The following ARL5B variants were observed in gnomAD, a reference collection of about 807,000 sequenced individuals.
ARL5B encodes ARF like GTPase 5B.
Under a neutral mutation model 26.9 loss-of-function variants are expected in ARL5B, and 10 were observed. The ratio of observed to expected loss-of-function variants is 0.37; its 90% CI spans 0.23 to 0.63. The LOEUF is 0.63. Among genes scored for constraint, ARL5B ranks in the 30% least tolerant of loss-of-function variants. The probability of loss-of-function intolerance (pLI) is 0.62; values close to 1 mark genes in which losing one functional copy is unlikely to be tolerated. For missense variants in ARL5B, 167 were observed against 213.9 expected, an observed-to-expected ratio of 0.78 and a Z score of 1.37; for synonymous variants, 87 against 70.4, an observed-to-expected ratio of 1.24 and a Z score of -1.18.
Position 18,673,966 on chromosome 10 carries a change from A to G in ARL5B, c.340-18A>G. 1 of 1,582,534 alleles carries G rather than the reference A, an allele frequency of 6.3e-7. No homozygotes were observed. Among genetic ancestry groups the G allele is most frequent in the Non-Finnish European group, 8.6e-7 (1 of 1,165,144 alleles). ...TTGTGGTATTTCACATATTAGAAAT[A>G]TTTTGTCTTGATTGCAGGATTTACG... On this transcript the variant is annotated intron_variant, in intron 4 of 5. Transcript: ENST00000377275.
At chr10:18,670,601 G>A (rs1030766665) in intron 3 of ARL5B, among the ~76,000 whole-genome samples, 2 of 151,752 alleles carry the variant, frequency 1.3e-5, no homozygotes, top group East Asian at 1.9e-4. Context: ...GCAGAGTCTC[G>A]CTCTCTCTCA....
intron 3 of ARL5B, among the ~76,000 whole-genome samples, chr10:18,670,505 A>C (rs1435386661): frequency 6.6e-6 from 1 of 151,972 alleles, no homozygotes; most frequent in African/African-American, 2.4e-5. Flanking sequence ...CAGCTACTCC[A>C]GAGGCTGAGG....
Position 18,659,432 on chromosome 10 carries a change from G to A in ARL5B, c.-206G>A. 1 of 620,570 alleles carries A rather than the reference G, an allele frequency of 1.6e-6. No homozygotes were observed. The highest frequency in any genetic ancestry group is 2.6e-6 in the Non-Finnish European group (1 of 380,286). The allele number at this position is 620,570 out of a possible 1,614,324, so 38.4% of individuals were successfully genotyped here. ...GGACTACGGGTCGGCGTTGGGCTCA[G>A]TGGGCTCGAAACAAAGGGCTGTCCG... On this transcript the variant is annotated 5_prime_UTR_variant, in exon 1 of 6. The change creates a new upstream start codon in the 5' untranslated region. Transcript: ENST00000377275.
At position 18,674,058 on chromosome 10, in the gene ARL5B, C is replaced by A. The variant is rs555085648; in HGVS notation, c.414C>A (p.Ile138=). 2.9e-5 allele frequency: 46 copies of A among 1,613,174 alleles called. No individual in the cohort carries two copies. The highest frequency in any genetic ancestry group is 1.7e-4 in the Middle Eastern group (1 of 6,056). The change falls in exon 5 of 6, where the codon ATC becomes ATA. Residue 138 remains isoleucine (I), a synonymous_variant. Transcript: ENST00000377275. ...DMKGCMTAAE[I]SKYLTLSSIK... Reference sequence around the variant, plus strand: ...AAGGGTGTATGACAGCAGCTGAAATCTCGAAATACCTCACCCTTAGTTCAA... The same window carrying A: ...AAGGGTGTATGACAGCAGCTGAAATATCGAAATACCTCACCCTTAGTTCAA...
rs941739751 is a variant in ARL5B at position 18,680,629 on chromosome 10, A to G, written c.*5413A>G. 2.6e-5 allele frequency: 4 copies of G among 152,146 alleles called. No individual in the cohort carries two copies. Among genetic ancestry groups the G allele is most frequent in the African/African-American group, 9.6e-5 (4 of 41,472 alleles). The allele number at this position is 152,146 out of a possible 1,614,324, so 9.4% of individuals were successfully genotyped here. On this transcript the variant is annotated 3_prime_UTR_variant, in exon 6 of 6. Transcript: ENST00000377275. The stretch of plus-strand genomic sequence containing the variant: ...AGCCCCTATTTTATTCTCTTGGAGT[A>G]AACTGTTGAGTGTAGTTACAAAAAC...
intron 4 of ARL5B, among the ~76,000 whole-genome samples, chr10:18,673,709 T>C (rs1186848406): frequency 2.6e-5 from 4 of 152,242 alleles, no homozygotes; most frequent in East Asian, 1.9e-4. Context: ...CATATTTGCC[T>C]ATTAGAATAT....
At chr10:18,669,975 C>G (rs1435896898) in intron 3 of ARL5B, among the ~76,000 whole-genome samples, 1 of 106,580 alleles carries the variant, frequency 9.4e-6, no homozygotes, top group African/African-American at 3.8e-5. Flanking sequence ...GCCTGGGTGA[C>G]AAAACGAGAC....
chr10:18,661,484 C>G (rs887383906), intron 1 of ARL5B, among the ~76,000 whole-genome samples: 1 of 152,172 alleles, frequency 6.6e-6, no homozygotes, highest in Admixed American at 6.5e-5. Flanking sequence ...CTTCCTCTAA[C>G]TTTCCTGTTG....
Position 18,664,735 on chromosome 10 carries a change from G to A in ARL5B, c.47-1840G>A, listed in dbSNP as rs557346668. ...TTACAGGCGTAAGGCACCACGCCTGGCCTAACAGTAGTGTCTTAACCTAAC... is the reference window on the plus strand; with the variant it reads ...TTACAGGCGTAAGGCACCACGCCTGACCTAACAGTAGTGTCTTAACCTAAC... On this transcript the variant is annotated intron_variant, in intron 1 of 5. Coordinates refer to ENST00000377275, the MANE Select transcript of ARL5B (RefSeq NM_178815.5). Among the ~76,000 whole-genome samples the A allele has an allele frequency of 1.5e-4, 23 of 152,200 alleles. No homozygotes were observed. In the East Asian group the frequency reaches 4.1e-3, roughly 27 times the overall value.
chr10:18,676,452 T>C lies in ARL5B; in HGVS notation c.*1236T>C, dbSNP rs1218241796. On this transcript the variant is annotated 3_prime_UTR_variant, in exon 6 of 6. Transcript: ENST00000377275. ...AAAGTCATAATCTATCAAAAGTTTA[T>C]TTATTGGATGGCATTAAAACATTTT... is the stretch of plus-strand genomic sequence containing the variant. 4.6e-5 allele frequency: 7 copies of C among 150,836 alleles called. No homozygotes were observed. The highest frequency in any genetic ancestry group is 1.7e-4 in the African/African-American group (7 of 40,320). The allele number at this position is 150,836 out of a possible 1,614,324, so 9.3% of individuals were successfully genotyped here.
chr10:18,663,546 C>CT (rs10645351), intron 1 of ARL5B, among the ~76,000 whole-genome samples: 24,295 of 97,764 alleles, frequency 0.25, 5,051 homozygotes, highest in African/African-American at 0.35. Context: ...TTATTCTGCT[C>CT]TTTTTTTTTT....
intron 3 of ARL5B, among the ~76,000 whole-genome samples, chr10:18,672,101 G>C (rs2059890283): frequency 6.6e-6 from 1 of 151,972 alleles, no homozygotes; most frequent in African/African-American, 2.4e-5. Flanking sequence ...GTTTCAATCT[G>C]GAGCATTTAT....
intron 1 of ARL5B, among the ~76,000 whole-genome samples, chr10:18,666,095 A>C (rs557068261): frequency 6.6e-6 from 1 of 152,358 alleles, no homozygotes; most frequent in East Asian, 1.9e-4. Context: ...TTTCAATTTT[A>C]AGCTTACATG....
Position 18,668,562 on chromosome 10 carries a change from C to G in ARL5B, c.140C>G (p.Thr47Ser). The change falls in exon 3 of 6, where the codon ACC becomes AGC. Residue 47 changes from threonine (T) to serine (S), a missense_variant. Coordinates refer to ENST00000377275, the MANE Select transcript of ARL5B (RefSeq NM_178815.5). ...LMNEVVHTSP[T>S]IGSNVEEIVV... ...AATGAAGTGGTTCATACTTCTCCAA[C>G]CATAGGAAGCAATGTTGAAGAAATA... The G allele has an allele frequency of 1.2e-6, 2 of 1,614,044 alleles. No homozygotes were observed. Among genetic ancestry groups the G allele is most frequent in the Non-Finnish European group, 1.7e-6 (2 of 1,180,020 alleles).
At chr10:18,667,466 T>C (rs2059866458) in intron 2 of ARL5B, among the ~76,000 whole-genome samples, 1 of 152,198 alleles carries the variant, frequency 6.6e-6, no homozygotes, top group Non-Finnish European at 1.5e-5. Flanking sequence ...TGTGTTTAAA[T>C]ATGAATTAGC....
At chr10:18,665,965 C>A (rs1356497038) in intron 1 of ARL5B, among the ~76,000 whole-genome samples, 4 of 152,112 alleles carry the variant, frequency 2.6e-5, no homozygotes. Flanking sequence ...TTTCATTGTA[C>A]AAAGAGCAGA....
At chr10:18,660,673 A>C (rs1229507029) in intron 1 of ARL5B, among the ~76,000 whole-genome samples, 1 of 152,156 alleles carries the variant, frequency 6.6e-6, no homozygotes, top group Non-Finnish European at 1.5e-5. Context: ...TAGATTGATA[A>C]GAACACTAAA....
rs1383747905 is a variant in ARL5B at position 18,678,244 on chromosome 10, G to A, written c.*3028G>A. Reference sequence around the variant, plus strand: ...GTTTCTTGTGTTAGTATGCTTAAAGGTATCAATACTTTTATTCTATATTCA... The same window carrying A: ...GTTTCTTGTGTTAGTATGCTTAAAGATATCAATACTTTTATTCTATATTCA... On this transcript the variant is annotated 3_prime_UTR_variant, in exon 6 of 6. Transcript: ENST00000377275. 1.3e-5 allele frequency: 2 copies of A among 151,696 alleles called. No individual in the cohort carries two copies. The highest frequency in any genetic ancestry group is 1.9e-4 in the East Asian group (1 of 5,174). The allele number at this position is 151,696 out of a possible 1,614,324, so 9.4% of individuals were successfully genotyped here.
Position 18,677,474 on chromosome 10 carries a change from G to A in ARL5B, c.*2258G>A, listed in dbSNP as rs1037073133. On this transcript the variant is annotated 3_prime_UTR_variant, in exon 6 of 6. Transcript: ENST00000377275. ...AGATGAAATTGGCATCAGTGTAGAC[G>A]GTGCTGATTGGGAAAAGTTCATGAT... The A allele has an allele frequency of 2.0e-5, 3 of 152,018 alleles. No individual in the cohort carries two copies. The highest frequency in any genetic ancestry group is 4.8e-5 in the African/African-American group (2 of 41,334). 9.4% of individuals were successfully genotyped at this position (152,018 alleles called of 1,614,324 possible). A position where few individuals can be genotyped will look rare whatever the true frequency, so the allele number is the denominator to read the frequency against.
Sources: allele counts gnomAD v4.1 joint callset (sites outside exome capture counted in the v4.1 genomes callset), GRCh38; gene constraint gnomAD v4.1.1; transcripts MANE v1.5; gene names NCBI Gene and HGNC (gene_info 2026-07-23, HGNC 2026-07-21).